The following CDH9 variants were observed in gnomAD, a reference collection of about 807,000 sequenced individuals.
CDH9 encodes the protein cadherin 9.
A neutral mutation model predicts 70.9 loss-of-function variants in CDH9; 28 were observed. That is an observed-to-expected ratio of 0.40 (90% CI 0.29 to 0.54). The LOEUF (loss-of-function observed/expected upper bound fraction) is 0.54. CDH9 is among the 20% of genes least tolerant of loss of function. The pLI is 0.59. For synonymous variants in CDH9, 409 were observed against 343.1 expected (o/e 1.19, Z -2.12); for missense variants, 874 against 984.4 (o/e 0.89, Z 1.50).
intron 1 of CDH9, among the ~76,000 whole-genome samples, chr5:27,007,015 T>C (rs1326683832): frequency 6.6e-6 from 1 of 151,960 alleles, no homozygotes; most frequent in African/African-American, 2.4e-5. Flanking sequence ...ACTGAGAAAA[T>C]GAAAGAAAAA....
chr5:26,901,830 G>A (rs1445094893), intron 7 of CDH9, among the ~76,000 whole-genome samples: 1 of 151,560 alleles, frequency 6.6e-6, no homozygotes, highest in East Asian at 1.9e-4. Flanking sequence ...TTCAAAATTT[G>A]GAAAGATATG....
chr5:27,029,954 C>T (rs951217937), intron 1 of CDH9, among the ~76,000 whole-genome samples: 6 of 152,046 alleles, frequency 3.9e-5, no homozygotes, highest in Admixed American at 2.0e-4. Flanking sequence ...CTCCCGAGGC[C>T]AAGCAGAAAG....
chr5:26,899,061 TA>T (rs1352903613), intron 7 of CDH9, among the ~76,000 whole-genome samples: 2 of 151,762 alleles, frequency 1.3e-5, no homozygotes, highest in African/African-American at 4.8e-5. Flanking sequence ...CCAACAAACA[TA>T]TGAAAAAAAG....
At chr5:27,027,938 T>C (rs534441833) in intron 1 of CDH9, among the ~76,000 whole-genome samples, 36 of 152,208 alleles carry the variant, frequency 2.4e-4, no homozygotes, top group South Asian at 8.3e-4. Flanking sequence ...AAACTCTCTA[T>C]GGATAACATG....
chr5:26,957,342 C>T (rs1741963933), intron 2 of CDH9, among the ~76,000 whole-genome samples: 1 of 151,968 alleles, frequency 6.6e-6, no homozygotes. Context: ...AAATCATAGG[C>T]TGTAAATAAT....
intron 1 of CDH9, among the ~76,000 whole-genome samples, chr5:27,017,918 GT>G (rs34168195): frequency 2.0e-5 from 3 of 151,298 alleles, no homozygotes; most frequent in Non-Finnish European, 4.4e-5. Flanking sequence ...AGTATACATT[GT>G]TTTTTTATTT....
chr5:26,883,100 T>G, intron 11 of CDH9, among the ~76,000 whole-genome samples: 1 of 111,814 alleles, frequency 8.9e-6, no homozygotes, highest in Non-Finnish European at 1.8e-5. Context: ...TATATAAAAC[T>G]GCAGTAAAAA....
rs906978201 is a variant in CDH9 at position 27,016,387 on chromosome 5, G to A, written c.-50+22076C>T. 2.0e-5 allele frequency among the ~76,000 whole-genome samples: 3 copies of A among 151,722 alleles called. No homozygotes were observed. In the Admixed American group the frequency reaches 2.0e-4, roughly 10 times the overall value. ...ATGCCACCATGTGAGCACAATTACA[G>A]GATTTATAAAAAAGTTTAATTATTG... On this transcript the variant is annotated intron_variant, in intron 1 of 11. Coordinates refer to ENST00000231021, the MANE Select transcript of CDH9 (RefSeq NM_016279.4).
rs1426108888 is a variant in CDH9, at chr5:26,915,693, C to G, written c.460G>C (p.Asp154His). The G allele has an allele frequency of 6.2e-7, 1 of 1,611,352 alleles. No homozygotes were observed. The highest frequency in any genetic ancestry group is 8.5e-7 in the Non-Finnish European group (1 of 1,177,550). ...TCTTTTGTAAATTTTGGCTCATTGT[C>G]ATTGATATCATGTATTTTAATGATA... is the stretch of plus-strand genomic sequence containing the variant. ...EFIIKIHDIN[D>H]NEPKFTKDLY... The change falls in exon 3 of 12, where the codon GAC (aspartate) becomes CAC (histidine). Residue 154 changes from aspartate (D) to histidine (H), a missense_variant. By Grantham distance (81) the Asp-to-His change is moderately conservative. Transcript: ENST00000231021.
In CDH9 at chr5:26,997,251, G is replaced by A. The variant is rs181132630; in HGVS notation, c.-49-8869C>T. Among the ~76,000 whole-genome samples, 19 of 152,024 alleles carry A rather than the reference G, an allele frequency of 1.2e-4. No homozygotes were observed. The East Asian group carries it at 3.3e-3, about 26-fold the overall frequency. ...ATCGATTGTTTTCTGAGATGCATAT[G>A]TGTGTGTGTATAAACATATATGTAT... On this transcript the variant is annotated intron_variant, in intron 1 of 11. Coordinates refer to ENST00000231021, the MANE Select transcript of CDH9 (RefSeq NM_016279.4).
At chr5:26,972,930 C>A (rs558133100) in intron 2 of CDH9, among the ~76,000 whole-genome samples, 19 of 151,088 alleles carry the variant, frequency 1.3e-4, no homozygotes, top group Non-Finnish European at 2.5e-4. Context: ...GTGGCACGAT[C>A]TCAGCTCACT....
intron 2 of CDH9, among the ~76,000 whole-genome samples, chr5:26,929,020 T>C (rs1476373614): frequency 6.6e-6 from 1 of 151,756 alleles, no homozygotes; most frequent in African/African-American, 2.4e-5. Flanking sequence ...AAAGCATCTG[T>C]GCAGCAAAAG....
intron 2 of CDH9, among the ~76,000 whole-genome samples, chr5:26,933,338 A>G (rs1741497321): frequency 1.3e-5 from 2 of 151,694 alleles, no homozygotes; most frequent in African/African-American, 4.8e-5. Flanking sequence ...CATGAAAAAT[A>G]TTTGTTTTTG....
At chr5:27,026,278 G>A (rs1250549899) in intron 1 of CDH9, among the ~76,000 whole-genome samples, 1 of 151,906 alleles carries the variant, frequency 6.6e-6, no homozygotes, top group Non-Finnish European at 1.5e-5. Context: ...ATATAACAAT[G>A]TGGGGTTTAT....
At chr5:26,896,396 T>A (rs1308040954) in intron 7 of CDH9, among the ~76,000 whole-genome samples, 2 of 151,744 alleles carry the variant, frequency 1.3e-5, no homozygotes, top group East Asian at 3.9e-4. Flanking sequence ...TGTGTGTATG[T>A]AAAGATTGTA....
At chr5:26,894,692 A>G (rs970731111) in intron 7 of CDH9, among the ~76,000 whole-genome samples, 1 of 152,134 alleles carries the variant, frequency 6.6e-6, no homozygotes, top group African/African-American at 2.4e-5. Context: ...GGATTACCAC[A>G]AATGACCAGA....
chr5:26,882,181 A>C (rs1740479425), intron 11 of CDH9, among the ~76,000 whole-genome samples: 1 of 152,136 alleles, frequency 6.6e-6, no homozygotes, highest in South Asian at 2.1e-4. Flanking sequence ...GGTTTAACTA[A>C]ATTCCTTTAC....
chr5:26,992,497 G>A (rs1408693865), intron 1 of CDH9, among the ~76,000 whole-genome samples: 4 of 152,172 alleles, frequency 2.6e-5, no homozygotes, highest in African/African-American at 7.2e-5. Flanking sequence ...CTTGCTTGAT[G>A]TTAGACTTCC....
intron 2 of CDH9, among the ~76,000 whole-genome samples, chr5:26,941,878 G>A (rs1259569508): frequency 6.6e-6 from 1 of 152,152 alleles, no homozygotes; most frequent in African/African-American, 2.4e-5. Context: ...GGTGCAGAGG[G>A]CACATCTGAT....
Sources: gnomAD v4.1 joint callset for allele counts (sites outside exome capture counted in the v4.1 genomes callset) on GRCh38, gnomAD v4.1.1 for gene constraint, MANE v1.5 for transcripts, NCBI Gene and HGNC (gene_info 2026-07-23, HGNC 2026-07-21) for gene names.